The following GLRA3 variants were observed in gnomAD, a reference collection of about 807,000 sequenced individuals.
GLRA3 encodes the protein glycine receptor subunit alpha-3.
In GLRA3, 44 loss-of-function variants were observed where a neutral mutation model predicts 60.4. The observed-to-expected ratio is 0.73, with a 90% CI of 0.57 to 0.94. The LOEUF is 0.94. Among genes scored for constraint, GLRA3 ranks in the 40% least tolerant of loss-of-function variants. GLRA3 has a pLI of 0.00. For synonymous variants in GLRA3, 223 were observed against 192.9 expected (o/e 1.16, Z -1.29); for missense variants, 508 against 564.6 (o/e 0.90, Z 1.02).
intron 5 of GLRA3, among the ~76,000 whole-genome samples, chr4:174,684,799 G>A (rs774135629): frequency 6.6e-6 from 1 of 152,194 alleles, no homozygotes; most frequent in Non-Finnish European, 1.5e-5. Flanking sequence ...GCTGAAGTCA[G>A]GAGTTTGAGA....
chr4:174,694,805 A>G lies in GLRA3; in HGVS notation c.575-11866T>C, dbSNP rs139406070. Among the ~76,000 whole-genome samples the G allele has an allele frequency of 1.6e-4, 25 of 152,122 alleles. No individual in the cohort carries two copies. The East Asian group carries it at 4.6e-3, about 28-fold the overall frequency. ...AGCCAGGAGTTGTTTTTTTGAAAACATTAATAAAACATAGGCCACTAGCTA... is the reference window on the plus strand; with the variant it reads ...AGCCAGGAGTTGTTTTTTTGAAAACGTTAATAAAACATAGGCCACTAGCTA... On this transcript the variant is annotated intron_variant, in intron 5 of 9. Transcript: ENST00000274093.
intron 1 of GLRA3, among the ~76,000 whole-genome samples, chr4:174,820,703 CTGAG>C (rs1448921427): frequency 6.6e-6 from 1 of 152,162 alleles, no homozygotes; most frequent in African/African-American, 2.4e-5. Context: ...AGTCATTTCA[CTGAG>C]TCTCAAATAA....
intron 1 of GLRA3, among the ~76,000 whole-genome samples, chr4:174,810,718 G>C (rs184791749): frequency 1.8e-4 from 27 of 151,992 alleles, no homozygotes; most frequent in Admixed American, 1.2e-3. Context: ...ATAATGATTA[G>C]AGTCAAAATT....
intron 3 of GLRA3, among the ~76,000 whole-genome samples, chr4:174,752,194 G>C (rs1737513682): frequency 6.6e-6 from 1 of 152,118 alleles, no homozygotes; most frequent in African/African-American, 2.4e-5. Context: ...TATATAACAA[G>C]CATACGATGT....
intron 9 of GLRA3, among the ~76,000 whole-genome samples, chr4:174,654,082 T>G (rs1032301047): frequency 2.6e-5 from 4 of 152,104 alleles, no homozygotes; most frequent in Middle Eastern, 3.2e-3. Flanking sequence ...GAAAGACATT[T>G]GTAGGAAACA....
At chr4:174,778,455 A>C (rs975571859) in intron 2 of GLRA3, among the ~76,000 whole-genome samples, 2 of 152,122 alleles carry the variant, frequency 1.3e-5, no homozygotes, top group East Asian at 1.9e-4. Flanking sequence ...AAAAGAAAAA[A>C]AACACAGGGG....
At chr4:174,767,886 G>C (rs1020984435) in intron 2 of GLRA3, among the ~76,000 whole-genome samples, 1 of 152,038 alleles carries the variant, frequency 6.6e-6, no homozygotes, top group African/African-American at 2.4e-5. Context: ...TTTCAGAGCT[G>C]CCTAAGAACA....
intron 8 of GLRA3, among the ~76,000 whole-genome samples, chr4:174,658,679 CAAAG>C (rs1352986915): frequency 6.6e-6 from 1 of 151,894 alleles, no homozygotes; most frequent in Non-Finnish European, 1.5e-5. Flanking sequence ...TTAGCTCTGA[CAAAG>C]GAACATGAAT....
chr4:174,687,350 CTTT>C (rs1471356742), intron 5 of GLRA3, among the ~76,000 whole-genome samples: 1 of 152,000 alleles, frequency 6.6e-6, no homozygotes, highest in Non-Finnish European at 1.5e-5. Flanking sequence ...ATGTAAGTAC[CTTT>C]TAATATTCTG....
At chr4:174,689,981 T>A (rs376742218) in intron 5 of GLRA3, among the ~76,000 whole-genome samples, 1 of 151,856 alleles carries the variant, frequency 6.6e-6, no homozygotes, top group African/African-American at 2.4e-5. Context: ...ATAAAGAAAA[T>A]GTGGAATATA....
chr4:174,762,921 G>C (rs1737993241), intron 3 of GLRA3, among the ~76,000 whole-genome samples: 1 of 152,130 alleles, frequency 6.6e-6, no homozygotes, highest in South Asian at 2.1e-4. Context: ...ACCAAAGATA[G>C]TCTATCAGAA....
At chr4:174,794,272 G>A (rs888946192) in intron 1 of GLRA3, among the ~76,000 whole-genome samples, 2 of 152,072 alleles carry the variant, frequency 1.3e-5, no homozygotes, top group Non-Finnish European at 2.9e-5. Context: ...CTCCAGTAGT[G>A]GATGTAGAGA....
intron 3 of GLRA3, among the ~76,000 whole-genome samples, chr4:174,743,984 C>T (rs569370521): frequency 6.6e-6 from 1 of 152,174 alleles, no homozygotes; most frequent in Non-Finnish European, 1.5e-5. Context: ...AGCCAGAGGG[C>T]TGCCGGTCTG....
At chr4:174,767,115 T>G in intron 2 of GLRA3, 85 bp from the exon 3 acceptor site, 1 of 708,998 alleles carries the variant, frequency 1.4e-6, no homozygotes, top group Non-Finnish European at 2.5e-6. Context: ...ATTATTATTA[T>G]TCCATTTTAC....
At chr4:174,644,138 A>G in intron 9 of GLRA3, 74 bp from the exon 10 acceptor site, 2 of 810,152 alleles carry the variant, frequency 2.5e-6, no homozygotes, top group Non-Finnish European at 4.1e-6. Flanking sequence ...CAGAATCATA[A>G]CCAATTTTAT....
intron 1 of GLRA3, among the ~76,000 whole-genome samples, chr4:174,793,105 T>C (rs1267779750): frequency 6.6e-6 from 1 of 152,198 alleles, no homozygotes; most frequent in Non-Finnish European, 1.5e-5. Flanking sequence ...CTCACAATTA[T>C]TTTTTTGCCA....
chr4:174,811,252 T>C (rs1460811421), intron 1 of GLRA3, among the ~76,000 whole-genome samples: 1 of 151,474 alleles, frequency 6.6e-6, no homozygotes, highest in East Asian at 1.9e-4. Context: ...TAGAGTGTGC[T>C]GTTGGATAAC....
Position 174,739,235 on chromosome 4 carries a change from T to A in GLRA3, c.268-10537A>T, listed in dbSNP as rs1159019379. Among the ~76,000 whole-genome samples, 4 of 152,202 alleles carry A rather than the reference T, an allele frequency of 2.6e-5. No individual in the cohort carries two copies. In the East Asian group the frequency reaches 7.7e-4, roughly 29 times the overall value. The stretch of plus-strand genomic sequence containing the variant: ...AGTAGGTTGCAAGGATTTGAAGAGA[T>A]TGTTGTGATGGTTAAAGGAATGAGA... On this transcript the variant is annotated intron_variant, in intron 3 of 9. Coordinates refer to ENST00000274093, the MANE Select transcript of GLRA3 (RefSeq NM_006529.4).
At chr4:174,760,085 T>C (rs1481326416) in intron 3 of GLRA3, among the ~76,000 whole-genome samples, 2 of 152,178 alleles carry the variant, frequency 1.3e-5, no homozygotes, top group African/African-American at 2.4e-5. Context: ...GCTGACAAAG[T>C]ATTCATCTTC....
Sources: gnomAD v4.1 joint callset for allele counts (sites outside exome capture counted in the v4.1 genomes callset) on GRCh38, gnomAD v4.1.1 for gene constraint, MANE v1.5 for transcripts, NCBI Gene and HGNC (gene_info 2026-07-23, HGNC 2026-07-21) for gene names.